FOCAD: variants seen among roughly 807,000 people sequenced by gnomAD.
FOCAD encodes KIAA1797.
In FOCAD, 198 loss-of-function variants were observed where a neutral mutation model predicts 225.6. The observed-to-expected ratio is 0.88, with a 90% CI of 0.78 to 0.99. FOCAD has a LOEUF of 0.99. Among genes scored for constraint, FOCAD ranks in the 50% least tolerant of loss-of-function variants. The probability of loss-of-function intolerance (pLI) is 0.00; values close to 1 mark genes in which losing one functional copy is unlikely to be tolerated. For missense variants in FOCAD, 2,713 were observed against 2,123.6 expected, an observed-to-expected ratio of 1.28 and a Z score of -5.46; for synonymous variants, 897 against 755.0, an observed-to-expected ratio of 1.19 and a Z score of -3.08.
chr9:20,681,824 C>A (rs1029047401), upstream of FOCAD, among the ~76,000 whole-genome samples: 3 of 152,186 alleles, frequency 2.0e-5, no homozygotes, highest in African/African-American at 7.2e-5. Flanking sequence ...CCATGGACTT[C>A]CAGCTTAACC....
chr9:20,930,676 T>C (rs1169091297), intron 27 of FOCAD, among the ~76,000 whole-genome samples: 1 of 152,208 alleles, frequency 6.6e-6, no homozygotes, highest in Non-Finnish European at 1.5e-5. Flanking sequence ...GATGATCATT[T>C]TCAGCTCTTA....
At chr9:20,871,231 T>G (rs1159935732) in intron 18 of FOCAD, among the ~76,000 whole-genome samples, 1 of 152,058 alleles carries the variant, frequency 6.6e-6, no homozygotes, top group East Asian at 1.9e-4. Context: ...AATTATCATT[T>G]TTGACTTTCC....
intron 10 of FOCAD, among the ~76,000 whole-genome samples, chr9:20,786,440 A>G (rs1304272695): frequency 1.3e-5 from 2 of 152,170 alleles, no homozygotes; most frequent in African/African-American, 2.4e-5. Flanking sequence ...TAGAGTCTTC[A>G]TAGTGATATA....
intron 15 of FOCAD, among the ~76,000 whole-genome samples, chr9:20,845,835 C>A (rs1324529726): frequency 6.6e-6 from 1 of 151,918 alleles, no homozygotes; most frequent in African/African-American, 2.4e-5. Flanking sequence ...ATTTCTGATT[C>A]TTTCATTTAT....
intron 4 of FOCAD, among the ~76,000 whole-genome samples, chr9:20,723,123 G>T (rs115041823): frequency 3.9e-5 from 6 of 152,180 alleles, no homozygotes; most frequent in Admixed American, 6.5e-5. Flanking sequence ...AAGCTTTGCA[G>T]ATAGTGAATT....
intron 21 of FOCAD, among the ~76,000 whole-genome samples, chr9:20,905,008 T>G (rs1832842531): frequency 6.6e-6 from 1 of 152,072 alleles, no homozygotes; most frequent in Admixed American, 6.6e-5. Flanking sequence ...CCTTTTTGCT[T>G]GTGACACAAT....
chr9:20,806,665 C>G (rs962647227), intron 11 of FOCAD, among the ~76,000 whole-genome samples: 1 of 152,138 alleles, frequency 6.6e-6, no homozygotes, highest in African/African-American at 2.4e-5. Context: ...CATGCAAATG[C>G]TAGTTTTTTA....
rs922167989 is a variant in FOCAD at position 20,784,605 on chromosome 9, A to G, written c.1197+2676A>G. On this transcript the variant is annotated intron_variant, in intron 10 of 43. Coordinates refer to ENST00000338382, the MANE Select transcript of FOCAD (RefSeq NM_001375567.1). ...TCTTTATGAAACTGTTTTAGTCAGC[A>G]TAACAATTTAGAGACAGCTTGACTG... Among the ~76,000 whole-genome samples the G allele has an allele frequency of 9.8e-5, 15 of 152,352 alleles. No homozygotes were observed. In the South Asian group the frequency reaches 1.2e-3, roughly 13 times the overall value.
At chr9:20,953,851 GTAT>G (rs1260701385) in intron 35 of FOCAD, among the ~76,000 whole-genome samples, 1 of 151,940 alleles carries the variant, frequency 6.6e-6, no homozygotes, top group Non-Finnish European at 1.5e-5. Context: ...ATCAGTGCCT[GTAT>G]TATAGCAAGA....
At chr9:20,694,356 T>C (rs922990742) in intron 1 of FOCAD, among the ~76,000 whole-genome samples, 5 of 152,240 alleles carry the variant, frequency 3.3e-5, no homozygotes, top group Non-Finnish European at 7.3e-5. Flanking sequence ...ATTTTACATT[T>C]GAATTTATAG....
At chr9:20,808,439 G>T (rs958385943) in intron 11 of FOCAD, among the ~76,000 whole-genome samples, 1 of 152,190 alleles carries the variant, frequency 6.6e-6, no homozygotes, top group African/African-American at 2.4e-5. Flanking sequence ...AAGTATACTG[G>T]AATAAAGGTG....
At chr9:20,937,445 C>A (rs1319228504) in intron 28 of FOCAD, among the ~76,000 whole-genome samples, 1 of 152,090 alleles carries the variant, frequency 6.6e-6, no homozygotes, top group Non-Finnish European at 1.5e-5. Flanking sequence ...ACCATCTGAT[C>A]TTTGACAAAG....
At chr9:20,898,321 GT>G (rs139301767) in intron 21 of FOCAD, among the ~76,000 whole-genome samples, 10 of 148,272 alleles carry the variant, frequency 6.7e-5, no homozygotes, top group South Asian at 2.1e-4. Context: ...CATTTCTTCT[GT>G]TTTTTTTTTC....
chr9:20,944,975 G>A (rs753809963), intron 29 of FOCAD, among the ~76,000 whole-genome samples: 4 of 152,110 alleles, frequency 2.6e-5, no homozygotes, highest in Non-Finnish European at 5.9e-5. Flanking sequence ...CCTAAATGTG[G>A]CATATAAGAT....
chr9:20,877,302 A>G (rs1237482086), intron 19 of FOCAD, among the ~76,000 whole-genome samples: 6 of 152,206 alleles, frequency 3.9e-5, no homozygotes, highest in Admixed American at 3.3e-4. Context: ...TAAAATATCT[A>G]AAGTCTAAAA....
chr9:20,781,078 T>C (rs931264298), intron 9 of FOCAD, among the ~76,000 whole-genome samples: 4 of 152,230 alleles, frequency 2.6e-5, no homozygotes, highest in African/African-American at 9.6e-5. Context: ...AAAAAAATAT[T>C]GTGAAAAAAG....
intron 15 of FOCAD, among the ~76,000 whole-genome samples, chr9:20,845,471 C>T (rs1023960496): frequency 3.5e-4 from 26 of 75,324 alleles, no homozygotes; most frequent in Middle Eastern, 7.4e-3. Context: ...ATATATGACA[C>T]GTGGTATATC....
At chr9:20,950,145 A>G (rs1230403727) in intron 33 of FOCAD, among the ~76,000 whole-genome samples, 2 of 152,154 alleles carry the variant, frequency 1.3e-5, no homozygotes, top group Admixed American at 1.3e-4. Context: ...TTTAAAAAAA[A>G]AAGATTATGT....
At chr9:20,868,429 T>TA (rs1829476705) in intron 18 of FOCAD, among the ~76,000 whole-genome samples, 1 of 151,988 alleles carries the variant, frequency 6.6e-6, no homozygotes, top group African/African-American at 2.4e-5. Flanking sequence ...CATGCTTATA[T>TA]TTTTTTTCTG....
Sources: gnomAD v4.1 joint callset for allele counts (sites outside exome capture counted in the v4.1 genomes callset) on GRCh38, gnomAD v4.1.1 for gene constraint, MANE v1.5 for transcripts, NCBI Gene and HGNC (gene_info 2026-07-23, HGNC 2026-07-21) for gene names.